Variants in TBC1D16 observed in about 807,000 individuals in gnomAD.
TBC1D16 encodes TBC1 domain family member 16, also known as CTD-2529O21.1.
A neutral mutation model predicts 74.7 loss-of-function variants in TBC1D16; 58 were observed. The observed-to-expected ratio is 0.78, with a 90% CI of 0.63 to 0.97. The LOEUF is 0.97. TBC1D16 is among the 50% of genes least tolerant of loss of function. The probability of loss-of-function intolerance (pLI) is 0.00; values close to 1 mark genes in which losing one functional copy is unlikely to be tolerated. For missense variants in TBC1D16, 1,014 were observed against 1,079.5 expected (o/e 0.94, Z 0.85); for synonymous variants, 493 against 474.7 (o/e 1.04, Z -0.50).
rs2035848995 is a variant in TBC1D16, at chr17:80,010,517, A to ATG, written c.420_421dup (p.Ile141ThrfsTer81). 6.2e-7 allele frequency: 1 copy of ATG among 1,611,224 alleles called. No individual in the cohort carries two copies. The highest frequency in any genetic ancestry group is 1.3e-5 in the African/African-American group (1 of 75,000). ...TGGAACACTCTGGGCCACCACCAGG[A>ATG]TGTCCTCATCTTTGGGGGTCAGGGT... On this transcript the variant is annotated frameshift_variant, in exon 3 of 12. Transcript: ENST00000310924. LOFTEE classifies it high-confidence loss of function. The surrounding 1 kb of genome is among the most constrained non-coding windows in gnomAD (Gnocchi z 8.8).
At chr17:79,946,497 CTA>C (rs1163687337) in intron 9 of TBC1D16, among the ~76,000 whole-genome samples, 1 of 152,200 alleles carries the variant, frequency 6.6e-6, no homozygotes, top group Non-Finnish European at 1.5e-5. Flanking sequence ...GGATCCCATT[CTA>C]TGAGACACAC....
rs189425888 is a variant in TBC1D16 at position 79,955,604 on chromosome 17, T to C, written c.780-2786A>G. The stretch of plus-strand genomic sequence containing the variant: ...ATAATTTAGCTTGTTCATAAAATTA[T>C]GTGATGCATTGGAACTAAAAGGATG... On this transcript the variant is annotated intron_variant, in intron 3 of 11. Coordinates refer to ENST00000310924, the MANE Select transcript of TBC1D16 (RefSeq NM_019020.4). Among the ~76,000 whole-genome samples, 1,308 of 152,366 alleles carry C rather than the reference T, an allele frequency of 8.6e-3. 8 individuals carry two copies. The highest frequency in any genetic ancestry group is 0.015 in the Non-Finnish European group (1,003 of 68,032).
At chr17:79,992,386 G>C (rs906544784) in intron 3 of TBC1D16, 1 of 152,256 alleles carries the variant, frequency 6.6e-6, no homozygotes, top group Admixed American at 6.5e-5. Flanking sequence ...GTGGCCGTTG[G>C]AAAGGTGAAC....
intron 2 of TBC1D16, among the ~76,000 whole-genome samples, chr17:80,013,159 A>T (rs2035953872): frequency 6.6e-6 from 1 of 152,260 alleles, no homozygotes; most frequent in Non-Finnish European, 1.5e-5. Flanking sequence ...CTTTGGAAGC[A>T]GCAGGGCTGA....
chr17:79,984,285 G>A (rs2034721978), intron 3 of TBC1D16, among the ~76,000 whole-genome samples: 1 of 152,178 alleles, frequency 6.6e-6, no homozygotes, highest in Admixed American at 6.5e-5. Flanking sequence ...GGGATTACAG[G>A]TGTGAACCAC....
intron 3 of TBC1D16, among the ~76,000 whole-genome samples, chr17:79,969,614 C>G (rs1298879757): frequency 2.0e-5 from 3 of 152,008 alleles, no homozygotes; most frequent in African/African-American, 7.2e-5. Context: ...AACATTTGAC[C>G]AAGTAATTCC....
At chr17:79,984,582 AAAAG>A (rs368172682) in intron 3 of TBC1D16, among the ~76,000 whole-genome samples, 220 of 125,744 alleles carry the variant, frequency 1.7e-3, no homozygotes, top group African/African-American at 5.0e-3. Context: ...GAAAGAAAGA[AAAAG>A]AAAGAAAGAG....
At chr17:79,991,716 G>T (rs1012761466) in intron 3 of TBC1D16, among the ~76,000 whole-genome samples, 1 of 148,484 alleles carries the variant, frequency 6.7e-6, no homozygotes, top group Non-Finnish European at 1.5e-5. Context: ...GGCGGGGCGG[G>T]GCGGGGAGGG....
chr17:79,947,900 AC>A (rs1284680390), intron 8 of TBC1D16, 69 bp from the exon 9 acceptor site: 2 of 1,380,066 alleles, frequency 1.4e-6, no homozygotes, highest in African/African-American at 2.9e-5. Context: ...AGCCTGCAGA[AC>A]CCTGGGCCGT....
intron 3 of TBC1D16, among the ~76,000 whole-genome samples, chr17:79,976,133 A>G (rs372238109): frequency 6.6e-5 from 10 of 152,346 alleles, no homozygotes; most frequent in South Asian, 2.1e-4. Context: ...ATGGAATCAA[A>G]TAAGAACCAA....
At chr17:79,952,494 T>C (rs1696772) in intron 4 of TBC1D16, among the ~76,000 whole-genome samples, 163 bp downstream of exon 4, 137,123 of 152,292 alleles carry the variant, frequency 0.9, 61,762 homozygotes, top group East Asian at 0.95. Flanking sequence ...CAGTGGGGAA[T>C]CACTGCCCAC....
In TBC1D16 at chr17:79,946,344, G is replaced by A. The variant is rs144863375; in HGVS notation, c.1729-1257C>T. Among the ~76,000 whole-genome samples the A allele has an allele frequency of 2.4e-3, 359 of 152,370 alleles. 1 individual carries two copies. Among genetic ancestry groups the A allele is most frequent in the African/African-American group, 8.0e-3 (332 of 41,584 alleles). ...GTAGGGTTCTCGCGTTCGAGCTTCT[G>A]TGAGAATCTAATGCAGCCGCTGATC... On this transcript the variant is annotated intron_variant, in intron 9 of 11. Transcript: ENST00000310924.
chr17:79,936,942 G>A lies in TBC1D16; in HGVS notation c.*3917C>T, dbSNP rs568643736. 1.0e-4 allele frequency: 15 copies of A among 147,608 alleles called. No homozygotes were observed. The highest frequency in any genetic ancestry group is 3.3e-4 in the African/African-American group (13 of 38,960). The allele number at this position is 147,608 out of a possible 1,614,324, so 9.1% of individuals were successfully genotyped here. A position where few individuals can be genotyped will look rare whatever the true frequency, so the allele number is the denominator to read the frequency against. On this transcript the variant is annotated 3_prime_UTR_variant, in exon 12 of 12. Transcript: ENST00000310924. ...TGTGTGTGTGTGTGTGTGTGTGTGC[G>A]CATTTTCCCAGGGGACCTCTCCTCC...
chr17:79,945,382 T>C (rs1043747678), intron 9 of TBC1D16, among the ~76,000 whole-genome samples: 2 of 152,128 alleles, frequency 1.3e-5, no homozygotes, highest in Non-Finnish European at 2.9e-5. Flanking sequence ...AGCCGCTCCA[T>C]GGCCAGGAAG....
chr17:79,943,441 T>C (rs2032208491), intron 10 of TBC1D16, among the ~76,000 whole-genome samples: 2 of 152,252 alleles, frequency 1.3e-5, no homozygotes, highest in South Asian at 4.2e-4. Context: ...CCCCACCACA[T>C]GCTGACAGCG....
rs749269560 is a variant in TBC1D16 at position 79,981,885 on chromosome 17, C to T, written c.779+28275G>A. ...GGGCGCGCCAGGGAACAGCAGGACG[C>T]GGCCCTCCGGGGCTTCCCTGTGCGC... On this transcript the variant is annotated intron_variant, in intron 3 of 11. Transcript: ENST00000310924. This position sits in a 1 kb window ranked among gnomAD's most constrained non-coding sequence, Gnocchi z 6.9. Among the ~76,000 whole-genome samples the T allele has an allele frequency of 2.0e-5, 3 of 152,376 alleles. No individual in the cohort carries two copies. The highest frequency in any genetic ancestry group is 6.5e-5 in the Admixed American group (1 of 15,310).
intron 3 of TBC1D16, among the ~76,000 whole-genome samples, chr17:79,997,758 T>G (rs1025601325): frequency 6.6e-6 from 1 of 152,224 alleles, no homozygotes; most frequent in African/African-American, 2.4e-5. Flanking sequence ...CTAGGTTCAC[T>G]CTTGGTGTTG....
At chr17:80,013,285 C>T in intron 2 of TBC1D16, 82 bp downstream of exon 2, 2 of 1,345,286 alleles carry the variant, frequency 1.5e-6, no homozygotes, top group Non-Finnish European at 2.0e-6. Flanking sequence ...CTCTCACGTG[C>T]TGTGGCCCAG....
chr17:80,008,581 G>A lies in TBC1D16; in HGVS notation c.779+1579C>T, dbSNP rs1037305060. 6.6e-6 allele frequency among the ~76,000 whole-genome samples: 1 copy of A among 152,106 alleles called. No homozygotes were observed. Among genetic ancestry groups the A allele is most frequent in the Non-Finnish European group, 1.5e-5 (1 of 68,028 alleles). ...CTGCACTGTTGGCCTGGCACCACCAGGGGGAGCTCCGACTGAGTCCGGCCT... is the reference window on the plus strand; with the variant it reads ...CTGCACTGTTGGCCTGGCACCACCAAGGGGAGCTCCGACTGAGTCCGGCCT... On this transcript the variant is annotated intron_variant, in intron 3 of 11. Transcript: ENST00000310924. This position sits in a 1 kb window ranked among gnomAD's most constrained non-coding sequence, Gnocchi z 4.5.
Sources: gnomAD v4.1 joint callset for allele counts (sites outside exome capture counted in the v4.1 genomes callset) on GRCh38, gnomAD v4.1.1 for gene constraint, Gnocchi (gnomAD v3.1) non-coding constraint, MANE v1.5 for transcripts, NCBI Gene and HGNC (gene_info 2026-07-23, HGNC 2026-07-21) for gene names.